Variants in SPATA22 observed in about 807,000 individuals in gnomAD.
The protein encoded by SPATA22 is spermatogenesis associated 22.
In SPATA22, 29 loss-of-function variants were observed where a neutral mutation model predicts 47.8. That is an observed-to-expected ratio of 0.61 (90% CI 0.45 to 0.83). SPATA22 has a LOEUF of 0.83. SPATA22 is among the 40% of genes least tolerant of loss of function. The pLI is 0.00. For synonymous variants in SPATA22, 133 were observed against 140.9 expected (o/e 0.94, Z 0.40); for missense variants, 410 against 421.7 (o/e 0.97, Z 0.24).
upstream of SPATA22, chr17:3,471,890 G>A: frequency 1.0e-6 from 1 of 983,632 alleles, no homozygotes; most frequent in South Asian, 4.7e-5. Flanking sequence ...CATCTTCGCT[G>A]CCTGCCTGGC....
intron 1 of SPATA22, among the ~76,000 whole-genome samples, chr17:3,482,279 T>C (rs1057079001): frequency 3.9e-5 from 6 of 152,186 alleles, no homozygotes; most frequent in African/African-American, 1.4e-4. Flanking sequence ...GATAAAAAGA[T>C]TGCCTCCCTT....
At chr17:3,472,628 A>G (rs1319335788), upstream of SPATA22, among the ~76,000 whole-genome samples, 1 of 152,192 alleles carries the variant, frequency 6.6e-6, no homozygotes, top group Non-Finnish European at 1.5e-5. Context: ...ATTTATCCGG[A>G]ACTTACTATG....
chr17:3,484,807 A>G (rs1459294366), intron 1 of SPATA22, among the ~76,000 whole-genome samples: 2 of 152,166 alleles, frequency 1.3e-5, no homozygotes, highest in Non-Finnish European at 2.9e-5. Context: ...CTCAGACAAT[A>G]CTTTGAGGAA....
intron 5 of SPATA22, among the ~76,000 whole-genome samples, chr17:3,455,586 G>T (rs1391098382): frequency 1.4e-5 from 2 of 140,874 alleles, no homozygotes; most frequent in Admixed American, 1.5e-4. Flanking sequence ...TCTCAGGTTT[G>T]TCAAAGATCA....
intron 1 of SPATA22, among the ~76,000 whole-genome samples, chr17:3,496,300 T>C (rs1343436705): frequency 6.6e-6 from 1 of 152,206 alleles, no homozygotes; most frequent in Non-Finnish European, 1.5e-5. Flanking sequence ...CATGAATAAG[T>C]AAACAATATG....
At chr17:3,465,036 C>T (rs1337523555) in intron 3 of SPATA22, among the ~76,000 whole-genome samples, 3 of 133,314 alleles carry the variant, frequency 2.3e-5, no homozygotes, top group Non-Finnish European at 5.1e-5. Flanking sequence ...CAGCCCCCAG[C>T]CCGGCCAGCC....
intron 5 of SPATA22, among the ~76,000 whole-genome samples, chr17:3,451,902 G>A (rs1391781593): frequency 6.6e-6 from 1 of 150,438 alleles, no homozygotes; most frequent in Non-Finnish European, 1.5e-5. Context: ...AGCCGAGATT[G>A]CACCACTGCA....
intron 3 of SPATA22, among the ~76,000 whole-genome samples, chr17:3,463,711 G>C (rs933530367): frequency 6.6e-6 from 1 of 152,076 alleles, no homozygotes; most frequent in African/African-American, 2.4e-5. Flanking sequence ...ATGTCACCAG[G>C]AGACAGAAAT....
At chr17:3,447,099 A>C (rs538730481) in intron 6 of SPATA22, among the ~76,000 whole-genome samples, 1 of 152,300 alleles carries the variant, frequency 6.6e-6, no homozygotes, top group Admixed American at 6.6e-5. Flanking sequence ...TGGAGGATTT[A>C]AAAAATAAGT....
At chr17:3,476,066 T>C, upstream of SPATA22, 1 of 1,190,954 alleles carries the variant, frequency 8.4e-7, no homozygotes, top group Non-Finnish European at 1.2e-6. Context: ...TTGGGTAAAG[T>C]CTCATTTACA....
At chr17:3,510,578 T>C (rs1189221974) in intron 1 of SPATA22, 1 of 152,254 alleles carries the variant, frequency 6.6e-6, no homozygotes. Flanking sequence ...TTACTCTTTG[T>C]ATGATTTCTT....
At chr17:3,479,273 G>T (rs2073585954) in intron 1 of SPATA22, among the ~76,000 whole-genome samples, 1 of 152,132 alleles carries the variant, frequency 6.6e-6, no homozygotes, top group Non-Finnish European at 1.5e-5. Context: ...AAAACTTCCA[G>T]ACTTGACTCT....
chr17:3,445,319 CAG>C (rs1325320653), intron 7 of SPATA22, among the ~76,000 whole-genome samples: 1 of 152,090 alleles, frequency 6.6e-6, no homozygotes. Context: ...CAAGCTTCAA[CAG>C]AGTAGTAACA....
At position 3,467,090 on chromosome 17, in the gene SPATA22, A is replaced by G. The variant is rs557176960; in HGVS notation, c.172+336T>C. Among the ~76,000 whole-genome samples the G allele has an allele frequency of 1.8e-4, 27 of 152,306 alleles. No homozygotes were observed. In the South Asian group the frequency reaches 4.8e-3, roughly 27 times the overall value. ...TTATCCCCACTCCTGAGGCAATTCA[A>G]GTGTTTCCATTCTTTACCACCAAAT... On this transcript the variant is annotated intron_variant, in intron 3 of 8. Transcript: ENST00000572969.
At chr17:3,477,149 C>T (rs905576697) in intron 1 of SPATA22, among the ~76,000 whole-genome samples, 1 of 151,672 alleles carries the variant, frequency 6.6e-6, no homozygotes, top group Admixed American at 6.6e-5. Flanking sequence ...AGCAAGACTC[C>T]GTCTCAAAAA....
intron 1 of SPATA22, among the ~76,000 whole-genome samples, chr17:3,498,456 T>C (rs1359631935): frequency 6.6e-6 from 1 of 152,026 alleles, no homozygotes; most frequent in East Asian, 1.9e-4. Flanking sequence ...TGAGCAATCC[T>C]CCCACCTCAG....
chr17:3,465,816 T>TG (rs2073296654), intron 3 of SPATA22, among the ~76,000 whole-genome samples: 1 of 126,492 alleles, frequency 7.9e-6, no homozygotes, highest in African/African-American at 2.6e-5. Flanking sequence ...ACAACACTGA[T>TG]GCAGTCCTAT....
chr17:3,509,099 TA>T (rs1317774384), intron 1 of SPATA22, among the ~76,000 whole-genome samples: 3 of 151,992 alleles, frequency 2.0e-5, no homozygotes, highest in Non-Finnish European at 4.4e-5. Flanking sequence ...AGGAGGGATT[TA>T]TACCTTCTGT....
chr17:3,512,857 G>A (rs2074131881), intron 1 of SPATA22: 1 of 152,164 alleles, frequency 6.6e-6, no homozygotes, highest in Non-Finnish European at 1.5e-5. Context: ...GAGGCATTTT[G>A]TTAAATTCCC....
Sources: gnomAD v4.1 joint callset for allele counts (sites outside exome capture counted in the v4.1 genomes callset) on GRCh38, gnomAD v4.1.1 for gene constraint, MANE v1.5 for transcripts, NCBI Gene and HGNC (gene_info 2026-07-23, HGNC 2026-07-21) for gene names.